The following CCDC198 variants were observed in gnomAD, a reference collection of about 807,000 sequenced individuals.
CCDC198 encodes the protein coiled-coil domain containing 198.
CCDC198 carries 18 observed loss-of-function variants against 35.6 expected under a neutral mutation model. The observed-to-expected ratio is 0.51, with a 90% CI of 0.35 to 0.75. The LOEUF is 0.75. Ranked by LOEUF, CCDC198 falls within the 30% of genes least tolerant of loss-of-function variation. The probability of loss-of-function intolerance (pLI) is 0.01; values close to 1 mark genes in which losing one functional copy is unlikely to be tolerated. For missense variants in CCDC198, 365 were observed against 343.7 expected (o/e 1.06, Z -0.49); for synonymous variants, 119 against 113.4 (o/e 1.05, Z -0.31).
intron 2 of CCDC198, among the ~76,000 whole-genome samples, chr14:57,488,536 A>C (rs1020494964): frequency 6.6e-6 from 1 of 152,094 alleles, no homozygotes; most frequent in Non-Finnish European, 1.5e-5. Context: ...TGTGGATCTC[A>C]TATTAAGTAT....
chr14:57,484,553 A>G (rs1870376324), intron 2 of CCDC198, among the ~76,000 whole-genome samples: 1 of 152,218 alleles, frequency 6.6e-6, no homozygotes, highest in South Asian at 2.1e-4. Flanking sequence ...GCCTTAAGGT[A>G]GTACCTTTTT....
At chr14:57,486,483 A>G (rs577325935) in intron 2 of CCDC198, among the ~76,000 whole-genome samples, 1 of 152,222 alleles carries the variant, frequency 6.6e-6, no homozygotes, top group African/African-American at 2.4e-5. Context: ...TAAAAAAAAA[A>G]AAAGAAATTC....
chr14:57,475,512 G>A, intron 5 of CCDC198: 1 of 1,006,244 alleles, frequency 9.9e-7, no homozygotes, highest in Non-Finnish European at 1.3e-6. Flanking sequence ...TTCGAGACCA[G>A]CTTGGCCAAC....
chr14:57,482,597 G>T (rs773273125), intron 3 of CCDC198, among the ~76,000 whole-genome samples: 1 of 152,196 alleles, frequency 6.6e-6, no homozygotes, highest in Non-Finnish European at 1.5e-5. Flanking sequence ...GCAGGGAAAA[G>T]ATACACAGAA....
chr14:57,493,349 G>T, intron 1 of CCDC198, 144 bp downstream of exon 1: 1 of 683,682 alleles, frequency 1.5e-6, no homozygotes, highest in Non-Finnish European at 2.5e-6. Context: ...CTCATTGAAA[G>T]ATTTGAGTTT....
chr14:57,473,966 C>T (rs915174079), intron 5 of CCDC198, among the ~76,000 whole-genome samples: 4 of 152,156 alleles, frequency 2.6e-5, no homozygotes, highest in South Asian at 4.1e-4. Context: ...AATTCCAGCA[C>T]CCATGGTCCT....
At chr14:57,483,675 G>A (rs2067262427) in intron 2 of CCDC198, among the ~76,000 whole-genome samples, 3 of 152,286 alleles carry the variant, frequency 2.0e-5, no homozygotes, top group South Asian at 2.1e-4. Context: ...TCCTTTTCTA[G>A]CAGGGGCTTG....
At chr14:57,488,537 T>C (rs2067448511) in intron 2 of CCDC198, among the ~76,000 whole-genome samples, 1 of 152,154 alleles carries the variant, frequency 6.6e-6, no homozygotes, top group African/African-American at 2.4e-5. Context: ...GTGGATCTCA[T>C]ATTAAGTATT....
intron 2 of CCDC198, among the ~76,000 whole-genome samples, chr14:57,484,355 G>A (rs556601535): frequency 6.6e-4 from 101 of 152,254 alleles, no homozygotes; most frequent in Admixed American, 2.0e-3. Flanking sequence ...GAGAGGTTGG[G>A]GCGATGGTTC....
intron 5 of CCDC198, among the ~76,000 whole-genome samples, chr14:57,479,568 C>A (rs1416833099): frequency 5.9e-5 from 9 of 152,202 alleles, no homozygotes; most frequent in Non-Finnish European, 1.3e-4. Context: ...TGCAGGTTCT[C>A]ATTCAGTAGG....
intron 4 of CCDC198, 89 bp downstream of exon 4, chr14:57,481,470 A>G (rs2067182940): frequency 1.2e-6 from 1 of 863,382 alleles, no homozygotes; most frequent in Non-Finnish European, 1.9e-6. Flanking sequence ...CTAAGTAAAG[A>G]CTGGCTATCT....
rs1324551566 is a variant in CCDC198 at position 57,470,711 on chromosome 14, CA to C, written c.*643del. ...GGTGGCAAATGTCAAAGATGAACCC[CA>C]AAGGACCACACTTTGGCACTCATGC... On this transcript the variant is annotated 3_prime_UTR_variant, in exon 6 of 6. Transcript: ENST00000216445. 6.6e-6 allele frequency: 1 copy of C among 152,260 alleles called. No individual in the cohort carries two copies. The highest frequency in any genetic ancestry group is 2.4e-5 in the African/African-American group (1 of 41,462). 9.4% of individuals were successfully genotyped at this position (152,260 alleles called of 1,614,324 possible).
intron 1 of CCDC198, among the ~76,000 whole-genome samples, chr14:57,492,007 G>C (rs977183829): frequency 6.6e-6 from 1 of 152,022 alleles, no homozygotes; most frequent in African/African-American, 2.4e-5. Context: ...TATTGAGCAG[G>C]ATGGAAACAA....
chr14:57,482,569 GA>G (rs918744467), intron 3 of CCDC198, among the ~76,000 whole-genome samples: 1 of 152,184 alleles, frequency 6.6e-6, no homozygotes, highest in African/African-American at 2.4e-5. Context: ...CTAGTCAACA[GA>G]ACATTATAAG....
At chr14:57,474,074 C>T (rs1343590299) in intron 5 of CCDC198, among the ~76,000 whole-genome samples, 2 of 152,164 alleles carry the variant, frequency 1.3e-5, no homozygotes, top group African/African-American at 4.8e-5. Flanking sequence ...CCACAGATAC[C>T]AGGTCTACCT....
At chr14:57,486,201 G>T (rs1353747623) in intron 2 of CCDC198, among the ~76,000 whole-genome samples, 1 of 152,150 alleles carries the variant, frequency 6.6e-6, no homozygotes, top group Non-Finnish European at 1.5e-5. Flanking sequence ...TCAGGATTTG[G>T]TTCTTTCTCA....
In CCDC198 at chr14:57,475,854, A is replaced by T. The variant is rs545481814; in HGVS notation, c.656-4264T>A. Reference sequence around the variant, plus strand: ...TCTCTCTCTGTCGACCAGGTTGGAGAGCAGTGGTGTGATCTCGGCTTACTG... The same window carrying T: ...TCTCTCTCTGTCGACCAGGTTGGAGTGCAGTGGTGTGATCTCGGCTTACTG... On this transcript the variant is annotated intron_variant, in intron 5 of 5. Transcript: ENST00000216445. 4.1e-5 allele frequency: 10 copies of T among 244,808 alleles called. 1 individual carries two copies. Among genetic ancestry groups the T allele is most frequent in the African/African-American group, 2.9e-4 (9 of 30,864 alleles). 15.2% of individuals were successfully genotyped at this position (244,808 alleles called of 1,614,324 possible). A position where few individuals can be genotyped will look rare whatever the true frequency, so the allele number is the denominator to read the frequency against.
chr14:57,491,503 TGATA>T (rs555248479), intron 1 of CCDC198, among the ~76,000 whole-genome samples: 89 of 152,138 alleles, frequency 5.8e-4, no homozygotes, highest in Middle Eastern at 3.4e-3. Flanking sequence ...ATGAAATAGA[TGATA>T]GATAGATAGG....
At chr14:57,476,451 A>C (rs1021972706) in intron 5 of CCDC198, among the ~76,000 whole-genome samples, 4 of 152,130 alleles carry the variant, frequency 2.6e-5, no homozygotes, top group Non-Finnish European at 5.9e-5. Context: ...GTGTTCATTC[A>C]TGTCACAGCT....
Sources: allele counts gnomAD v4.1 joint callset (sites outside exome capture counted in the v4.1 genomes callset), GRCh38; gene constraint gnomAD v4.1.1; transcripts MANE v1.5; gene names NCBI Gene and HGNC (gene_info 2026-07-23, HGNC 2026-07-21).